Variants in PTPRJ observed in about 807,000 individuals in gnomAD.
PTPRJ encodes protein tyrosine phosphatase receptor type J, also known as receptor-type tyrosine-protein phosphatase eta.
Under a neutral mutation model 141.3 loss-of-function variants are expected in PTPRJ, and 129 were observed. That is an observed-to-expected ratio of 0.91 (90% CI 0.79 to 1.06). The LOEUF (loss-of-function observed/expected upper bound fraction) is 1.06. Ranked by LOEUF, PTPRJ falls within the 50% of genes least tolerant of loss-of-function variation. PTPRJ has a pLI of 0.00. For synonymous variants in PTPRJ, 610 were observed against 640.5 expected (o/e 0.95, Z 0.72); for missense variants, 1,601 against 1,679.7 (o/e 0.95, Z 0.82).
chr11:48,016,523 G>A (rs1854953880), intron 1 of PTPRJ, among the ~76,000 whole-genome samples: 1 of 152,224 alleles, frequency 6.6e-6, no homozygotes, highest in Admixed American at 6.5e-5. Context: ...TGGGAAGCAG[G>A]AAGAGCCTAG....
At chr11:48,109,352 CT>C (rs1856380773) in intron 1 of PTPRJ, among the ~76,000 whole-genome samples, 1 of 152,038 alleles carries the variant, frequency 6.6e-6, no homozygotes, top group Non-Finnish European at 1.5e-5. Flanking sequence ...CCTTGAATCA[CT>C]TTAGATTTTT....
intron 22 of PTPRJ, 101 bp downstream of exon 22, chr11:48,160,150 C>G: frequency 6.8e-7 from 1 of 1,470,492 alleles, no homozygotes; most frequent in African/African-American, 1.4e-5. Flanking sequence ...TTTTCCTATG[C>G]AGTGAGAAAT....
intron 1 of PTPRJ, among the ~76,000 whole-genome samples, chr11:48,095,988 T>C (rs1590496682): frequency 6.6e-6 from 1 of 152,210 alleles, no homozygotes; most frequent in Non-Finnish European, 1.5e-5. Context: ...TTCAGGAGAA[T>C]TGGTGGCTCA....
chr11:48,032,226 C>G (rs190421363), intron 1 of PTPRJ, among the ~76,000 whole-genome samples: 1 of 152,248 alleles, frequency 6.6e-6, no homozygotes, highest in African/African-American at 2.4e-5. Context: ...TTGTGAAATG[C>G]TCATCCCTCA....
intron 1 of PTPRJ, among the ~76,000 whole-genome samples, chr11:48,105,396 G>A (rs1440020012): frequency 2.0e-5 from 3 of 152,168 alleles, no homozygotes; most frequent in African/African-American, 4.8e-5. Context: ...GGGTCTCAGA[G>A]CCTGGAGAGC....
rs1281932057 is a variant in PTPRJ at position 47,986,963 on chromosome 11, C to G, written c.96+5955C>G. ...GGGCAGGGTGACTCATTCCTTTAAT[C>G]TCAGCACTTTGGAAGGCAGAGGTGG... is the stretch of plus-strand genomic sequence containing the variant. On this transcript the variant is annotated intron_variant, in intron 1 of 24. Coordinates refer to ENST00000418331, the MANE Select transcript of PTPRJ (RefSeq NM_002843.4). Among the ~76,000 whole-genome samples, 11 of 152,178 alleles carry G rather than the reference C, an allele frequency of 7.2e-5. No homozygotes were observed. In the East Asian group the frequency reaches 2.1e-3, roughly 29 times the overall value.
At chr11:48,084,120 AG>A (rs1450540104) in intron 1 of PTPRJ, among the ~76,000 whole-genome samples, 1 of 152,158 alleles carries the variant, frequency 6.6e-6, no homozygotes, top group African/African-American at 2.4e-5. Flanking sequence ...TGTAAAATGA[AG>A]GTGCATTCCA....
chr11:48,047,498 A>ATTTTTT (rs58387057), intron 1 of PTPRJ, among the ~76,000 whole-genome samples: 4 of 146,616 alleles, frequency 2.7e-5, no homozygotes, highest in Non-Finnish European at 4.5e-5. Flanking sequence ...ACCTATGGTA[A>ATTTTTT]TTTTTTTTTT....
chr11:48,049,011 A>G (rs1037333228), intron 1 of PTPRJ, among the ~76,000 whole-genome samples: 1 of 152,108 alleles, frequency 6.6e-6, no homozygotes, highest in Non-Finnish European at 1.5e-5. Flanking sequence ...GCTGCTTGGA[A>G]TAAACCTTCA....
At chr11:48,161,267 A>G (rs1857767543) in intron 22 of PTPRJ, among the ~76,000 whole-genome samples, 2 of 151,980 alleles carry the variant, frequency 1.3e-5, no homozygotes, top group Admixed American at 1.3e-4. Flanking sequence ...TAAGAGAAAC[A>G]TTCTAGGAGA....
chr11:48,070,293 C>T (rs370256258), intron 1 of PTPRJ, among the ~76,000 whole-genome samples: 24 of 152,068 alleles, frequency 1.6e-4, no homozygotes, highest in African/African-American at 5.1e-4. Flanking sequence ...CTTGAGGTCA[C>T]GAGTTCGAGA....
chr11:47,986,405 A>G (rs1411255735), intron 1 of PTPRJ, among the ~76,000 whole-genome samples: 1 of 152,234 alleles, frequency 6.6e-6, no homozygotes, highest in Non-Finnish European at 1.5e-5. Flanking sequence ...AGGATCAAAT[A>G]AGATAGAAAA....
intron 1 of PTPRJ, among the ~76,000 whole-genome samples, chr11:47,981,228 TC>T (rs1386250258): frequency 1.3e-5 from 2 of 151,868 alleles, no homozygotes; most frequent in East Asian, 3.9e-4. Context: ...AGAGGCGGGA[TC>T]CGGGTGCCGC....
intron 2 of PTPRJ, 116 bp downstream of exon 2, chr11:48,110,192 A>C (rs1856403840): frequency 8.3e-7 from 1 of 1,197,960 alleles, no homozygotes; most frequent in South Asian, 1.5e-5. Context: ...TCGGTTTCCA[A>C]TTTTTCTTTT....
At chr11:48,048,515 C>T (rs754051163) in intron 1 of PTPRJ, among the ~76,000 whole-genome samples, 15 of 152,302 alleles carry the variant, frequency 9.8e-5, no homozygotes, top group Middle Eastern at 3.4e-3. Context: ...CATTATGGGC[C>T]GGGCGCAGTG....
At chr11:48,091,633 T>C (rs1855868183) in intron 1 of PTPRJ, among the ~76,000 whole-genome samples, 1 of 152,234 alleles carries the variant, frequency 6.6e-6, no homozygotes, top group African/African-American at 2.4e-5. Context: ...TTTCCCTTTC[T>C]GCTCTGGATT....
intron 1 of PTPRJ, among the ~76,000 whole-genome samples, chr11:48,052,067 C>T (rs1264512086): frequency 6.6e-6 from 1 of 152,138 alleles, no homozygotes; most frequent in Non-Finnish European, 1.5e-5. Context: ...AGTGTCTAAG[C>T]TTCTTGAGGG....
chr11:48,040,942 CG>C (rs1201301036), intron 1 of PTPRJ, among the ~76,000 whole-genome samples: 1 of 152,004 alleles, frequency 6.6e-6, no homozygotes, highest in Non-Finnish European at 1.5e-5. Context: ...TGGAGAGCTC[CG>C]GGTTGTCCTG....
chr11:48,080,374 T>A (rs910525482), intron 1 of PTPRJ, among the ~76,000 whole-genome samples: 2 of 152,226 alleles, frequency 1.3e-5, no homozygotes, highest in African/African-American at 4.8e-5. Flanking sequence ...TTGTCTCTCT[T>A]TTGCAAGTGT....
Sources: allele counts gnomAD v4.1 joint callset (sites outside exome capture counted in the v4.1 genomes callset), GRCh38; gene constraint gnomAD v4.1.1; transcripts MANE v1.5; gene names NCBI Gene and HGNC (gene_info 2026-07-23, HGNC 2026-07-21).